NANOS1: variants seen among roughly 807,000 people sequenced by gnomAD.
NANOS1 encodes the protein nanos homolog 1.
NANOS1 carries 1 observed loss-of-function variant against 1.1 expected under a neutral mutation model. That is an observed-to-expected ratio of 0.88 (90% CI 0.31 to 4.20). The LOEUF (loss-of-function observed/expected upper bound fraction) is 4.20. Ranked by LOEUF, NANOS1 falls within the 30% of genes most tolerant of loss-of-function variation. NANOS1 has a pLI of 0.17. For missense variants in NANOS1, 537 were observed against 457.9 expected, an observed-to-expected ratio of 1.17 and a Z score of -1.58; for synonymous variants, 252 against 230.6, an observed-to-expected ratio of 1.09 and a Z score of -0.84.
rs1848049236 is a variant in NANOS1 at position 119,031,512 on chromosome 10, A to C, written c.*832A>C. ...TGTGTATTTATACAGTAACAGTATGAATTCATTAATCTCACCTGTAACTTT... is the reference window on the plus strand; with the variant it reads ...TGTGTATTTATACAGTAACAGTATGCATTCATTAATCTCACCTGTAACTTT... On this transcript the variant is annotated 3_prime_UTR_variant, in exon 1 of 1. Coordinates refer to ENST00000425699, the MANE Select transcript of NANOS1 (RefSeq NM_199461.4). 1 of 167,076 alleles carries C rather than the reference A, an allele frequency of 6.0e-6. No homozygotes were observed. Among genetic ancestry groups the C allele is most frequent in the South Asian group, 2.1e-4 (1 of 4,828 alleles). The allele number at this position is 167,076 out of a possible 1,614,324, so 10.3% of individuals were successfully genotyped here. A position where few individuals can be genotyped will look rare whatever the true frequency, so the allele number is the denominator to read the frequency against.
Position 119,032,257 on chromosome 10 carries a change from A to AG in NANOS1, c.*1579dup, listed in dbSNP as rs1405796815. 6.7e-6 allele frequency: 1 copy of AG among 148,560 alleles called. No homozygotes were observed. The highest frequency in any genetic ancestry group is 1.8e-5 in the Non-Finnish European group (1 of 57,126). The allele number at this position is 148,560 out of a possible 1,614,324, so 9.2% of individuals were successfully genotyped here. ...GAACCTTCATTTGAAGGTGTGTTAG[A>AG]GGATGGGGTAAATACCCGATAGCTG... On this transcript the variant is annotated 3_prime_UTR_variant, in exon 1 of 1. Coordinates refer to ENST00000425699, the MANE Select transcript of NANOS1 (RefSeq NM_199461.4).
In NANOS1 at chr10:119,030,917, G is replaced by C; in HGVS notation, c.*237G>C. On this transcript the variant is annotated 3_prime_UTR_variant, in exon 1 of 1. Transcript: ENST00000425699. This position sits in a 1 kb window ranked among gnomAD's most constrained non-coding sequence, Gnocchi z 5.3. ...GTTTCTAGTTTGCACATCCAGAACG[G>C]CGAAGGCTGGGTGTGTATTCCACTA... 2.0e-6 allele frequency: 1 copy of C among 503,244 alleles called. No individual in the cohort carries two copies. The highest frequency in any genetic ancestry group is 3.1e-6 in the Non-Finnish European group (1 of 321,540). The allele number at this position is 503,244 out of a possible 1,614,324, so 31.2% of individuals were successfully genotyped here. A position where few individuals can be genotyped will look rare whatever the true frequency, so the allele number is the denominator to read the frequency against.
chr10:119,029,988 T>C lies in NANOS1; in HGVS notation c.187T>C (p.Phe63Leu). ...ITKAVDGEPR[F>L]GCARGGNGGG... ...CAAAGCGGTGGACGGCGAGCCGCGC[T>C]TCGGCTGCGCCCGCGGTGGGAACGG... The change falls in exon 1 of 1, where the codon TTC (phenylalanine) becomes CTC (leucine). Residue 63 changes from phenylalanine to leucine, a missense_variant. Coordinates refer to ENST00000425699, the MANE Select transcript of NANOS1 (RefSeq NM_199461.4). The C allele has an allele frequency of 7.1e-7, 1 of 1,418,342 alleles. No homozygotes were observed. The highest frequency in any genetic ancestry group is 9.2e-7 in the Non-Finnish European group (1 of 1,086,580). 87.9% of individuals were successfully genotyped at this position (1,418,342 alleles called of 1,614,324 possible). A position where few individuals can be genotyped will look rare whatever the true frequency, so the allele number is the denominator to read the frequency against.
At position 119,030,472 on chromosome 10, in the gene NANOS1, T is replaced by C. The variant is rs2119808956; in HGVS notation, c.671T>C (p.Met224Thr). 9.4e-6 allele frequency: 14 copies of C among 1,494,686 alleles called. No homozygotes were observed. The highest frequency in any genetic ancestry group is 1.2e-5 in the Non-Finnish European group (14 of 1,122,546). The allele number at this position is 1,494,686 out of a possible 1,614,324, so 92.6% of individuals were successfully genotyped here. ...CVFCRNNKEA[M>T]ALYTTHILKG... ...TTCTGCCGGAACAACAAGGAGGCGA[T>C]GGCGCTCTACACCACCCATATCCTC... Residue 224 changes from methionine (M) to threonine (T), a missense_variant, in exon 1 of 1, where the codon ATG becomes ACG. Coordinates refer to ENST00000425699, the MANE Select transcript of NANOS1 (RefSeq NM_199461.4). The surrounding 1 kb of genome is among the most constrained non-coding windows in gnomAD (Gnocchi z 5.3).
rs1416221345 is a variant in NANOS1 at position 119,029,844 on chromosome 10, C to T, written c.43C>T (p.Arg15Cys). 10 of 1,207,760 alleles carry T rather than the reference C, an allele frequency of 8.3e-6. No individual in the cohort carries two copies. Among genetic ancestry groups the T allele is most frequent in the East Asian group, 3.5e-5 (1 of 28,588 alleles). 74.8% of individuals were successfully genotyped at this position (1,207,760 alleles called of 1,614,324 possible). A position where few individuals can be genotyped will look rare whatever the true frequency, so the allele number is the denominator to read the frequency against. The change falls in exon 1 of 1, where the codon CGC becomes TGC. Residue 15 changes from arginine to cysteine, a missense_variant. Coordinates refer to ENST00000425699, the MANE Select transcript of NANOS1 (RefSeq NM_199461.4). Reference sequence around the variant, plus strand: ...GGCGCCCCGCTCGCCCCGCCGCGGCCGCGCCCCCCCGCCCATGGCGCTCGT... The same window carrying T: ...GGCGCCCCGCTCGCCCCGCCGCGGCTGCGCCCCCCCGCCCATGGCGCTCGT... ...PWAPRSPRRG[R>C]APPPMALVPS...
Position 119,030,809 on chromosome 10 carries a change from G to T in NANOS1, c.*129G>T, listed in dbSNP as rs1452451723. 5 of 1,210,376 alleles carry T rather than the reference G, an allele frequency of 4.1e-6. No homozygotes were observed. Among genetic ancestry groups the T allele is most frequent in the African/African-American group, 1.6e-5 (1 of 62,834 alleles). 75.0% of individuals were successfully genotyped at this position (1,210,376 alleles called of 1,614,324 possible). A position where few individuals can be genotyped will look rare whatever the true frequency, so the allele number is the denominator to read the frequency against. On this transcript the variant is annotated 3_prime_UTR_variant, in exon 1 of 1. Transcript: ENST00000425699. This position sits in a 1 kb window ranked among gnomAD's most constrained non-coding sequence, Gnocchi z 5.3. ...GCTCGACATGGGACGTCGTCCTGGTGGTTTTTGAAAAGCAGCCGACCGTGT... is the reference window on the plus strand; with the variant it reads ...GCTCGACATGGGACGTCGTCCTGGTTGTTTTTGAAAAGCAGCCGACCGTGT...
Position 119,030,611 on chromosome 10 carries a change from GCCGCCGCCGCCCGC to G in NANOS1, c.816_829del (p.Pro273AlafsTer62). On this transcript the variant is annotated frameshift_variant, in exon 1 of 1. Transcript: ENST00000425699. LOFTEE classifies it high-confidence loss of function. This position sits in a 1 kb window ranked among gnomAD's most constrained non-coding sequence, Gnocchi z 5.3. Reference sequence around the variant, plus strand: ...TCAAGTACTGCCCGCTCTCCAAAGTGCCGCCGCCGCCCGCCCGCCCGCCGCCCCGCAGCGCCAGG... The same window carrying G: ...TCAAGTACTGCCCGCTCTCCAAAGTGCCGCCCGCCGCCCCGCAGCGCCAGG... 1.4e-6 allele frequency: 2 copies of G among 1,480,408 alleles called. No homozygotes were observed. Among genetic ancestry groups the G allele is most frequent in the Non-Finnish European group, 1.8e-6 (2 of 1,117,798 alleles). The allele number at this position is 1,480,408 out of a possible 1,614,324, so 91.7% of individuals were successfully genotyped here.
Position 119,030,551 on chromosome 10 carries a change from C to A in NANOS1, c.750C>A (p.Pro250=). ...LCPVLRRYTC[P]LCGASGDNAH... ...CCGTGCTGCGCCGCTACACGTGTCC[C>A]CTGTGCGGCGCCAGCGGCGACAACG... Residue 250 remains proline, a synonymous_variant, in exon 1 of 1, where the codon CCC becomes CCA. Coordinates refer to ENST00000425699, the MANE Select transcript of NANOS1 (RefSeq NM_199461.4). This position sits in a 1 kb window ranked among gnomAD's most constrained non-coding sequence, Gnocchi z 5.3. The A allele has an allele frequency of 6.5e-7, 1 of 1,530,294 alleles. No homozygotes were observed. The highest frequency in any genetic ancestry group is 8.7e-7 in the Non-Finnish European group (1 of 1,143,596). The allele number at this position is 1,530,294 out of a possible 1,614,324, so 94.8% of individuals were successfully genotyped here.
Position 119,030,889 on chromosome 10 carries a change from TCA to T in NANOS1, c.*210_*211del, listed in dbSNP as rs1296862026. 9 of 696,612 alleles carry T rather than the reference TCA, an allele frequency of 1.3e-5. No homozygotes were observed. The highest frequency in any genetic ancestry group is 1.9e-5 in the African/African-American group (1 of 53,144). 43.2% of individuals were successfully genotyped at this position (696,612 alleles called of 1,614,324 possible). A position where few individuals can be genotyped will look rare whatever the true frequency, so the allele number is the denominator to read the frequency against. ...TAGACGCTGAAATCCCCATTTGTCT[TCA>T]GTTTCTAGTTTGCACATCCAGAACG... On this transcript the variant is annotated 3_prime_UTR_variant, in exon 1 of 1. Coordinates refer to ENST00000425699, the MANE Select transcript of NANOS1 (RefSeq NM_199461.4). The surrounding 1 kb of genome is among the most constrained non-coding windows in gnomAD (Gnocchi z 5.3).
At position 119,030,250 on chromosome 10, in the gene NANOS1, A is replaced by T; in HGVS notation, c.449A>T (p.Glu150Val). The change falls in exon 1 of 1, where the codon GAG (glutamate) becomes GTG (valine). Residue 150 changes from glutamate to valine, a missense_variant. By Grantham distance (121) the Glu-to-Val change is moderately radical. Transcript: ENST00000425699. The surrounding 1 kb of genome is among the most constrained non-coding windows in gnomAD (Gnocchi z 5.3). ...GGGCTGCTGGAGGAGCGCTTCGCCG[A>T]GCTGAGCCCGTTCGCGGGTCGTGCC... The part of the protein sequence containing the change: ...EAGLLEERFA[E>V]LSPFAGRAAA... 1.6e-6 allele frequency: 2 copies of T among 1,254,166 alleles called. No individual in the cohort carries two copies. Among genetic ancestry groups the T allele is most frequent in the South Asian group, 3.1e-5 (1 of 32,292 alleles). 77.7% of individuals were successfully genotyped at this position (1,254,166 alleles called of 1,614,324 possible).
rs587777031 is a variant in NANOS1 at position 119,030,030 on chromosome 10, CCCTCCTCCT to C, written c.234_242del (p.Ser81_Ser83del). ...TGGGAACGGCGGCGGCGGCTCCCCG[CCCTCCTCCT>C]CCTCGTCGTCCTGCTGCTCCCCCCA... On this transcript the variant is annotated inframe_deletion, in exon 1 of 1. Coordinates refer to ENST00000425699, the MANE Select transcript of NANOS1 (RefSeq NM_199461.4). The surrounding 1 kb of genome is among the most constrained non-coding windows in gnomAD (Gnocchi z 5.3). The C allele has an allele frequency of 1.4e-6, 2 of 1,384,958 alleles. No individual in the cohort carries two copies. Among genetic ancestry groups the C allele is most frequent in the Non-Finnish European group, 1.9e-6 (2 of 1,068,532 alleles). The allele number at this position is 1,384,958 out of a possible 1,614,324, so 85.8% of individuals were successfully genotyped here. A position where few individuals can be genotyped will look rare whatever the true frequency, so the allele number is the denominator to read the frequency against.
rs574210551 is a variant in NANOS1 at position 119,033,596 on chromosome 10, T to G, written c.*2916T>G. ...ACTTAAAATTTCTAGTGGCTTTTAT[T>G]TTTCTTTGTATTTTAATTTTCCTAC... is the stretch of plus-strand genomic sequence containing the variant. On this transcript the variant is annotated 3_prime_UTR_variant, in exon 1 of 1. Coordinates refer to ENST00000425699, the MANE Select transcript of NANOS1 (RefSeq NM_199461.4). 1.3e-4 allele frequency: 22 copies of G among 167,158 alleles called. No individual in the cohort carries two copies. The highest frequency in any genetic ancestry group is 2.5e-4 in the Non-Finnish European group (17 of 68,118). 10.4% of individuals were successfully genotyped at this position (167,158 alleles called of 1,614,324 possible).
Position 119,030,272 on chromosome 10 carries a change from TGCC to T in NANOS1, c.479_481del (p.Ala160del). 1 of 1,227,474 alleles carries T rather than the reference TGCC, an allele frequency of 8.1e-7. No homozygotes were observed. 76.0% of individuals were successfully genotyped at this position (1,227,474 alleles called of 1,614,324 possible). Reference sequence around the variant, plus strand: ...CCGAGCTGAGCCCGTTCGCGGGTCGTGCCGCCGCCGTGCTGCTGGGCTGCGCGC... The same window carrying T: ...CCGAGCTGAGCCCGTTCGCGGGTCGTGCCGCCGTGCTGCTGGGCTGCGCGC... On this transcript the variant is annotated inframe_deletion, in exon 1 of 1. Transcript: ENST00000425699. This position sits in a 1 kb window ranked among gnomAD's most constrained non-coding sequence, Gnocchi z 5.3.
chr10:119,030,421 TGA>T lies in NANOS1; in HGVS notation c.621_622del (p.Lys208AlafsTer131). On this transcript the variant is annotated frameshift_variant, in exon 1 of 1. Transcript: ENST00000425699. LOFTEE classifies it low-confidence loss of function (END_TRUNC). The surrounding 1 kb of genome is among the most constrained non-coding windows in gnomAD (Gnocchi z 5.3). ...TCCGGGGCGGCGGCCGCCCGGCTGC[TGA>T]AGCCCGAGCTGCAGGTGTGCGTGTT... The T allele has an allele frequency of 7.4e-7, 1 of 1,352,548 alleles. No individual in the cohort carries two copies. The highest frequency in any genetic ancestry group is 9.6e-7 in the Non-Finnish European group (1 of 1,042,356). The allele number at this position is 1,352,548 out of a possible 1,614,324, so 83.8% of individuals were successfully genotyped here.
At position 119,030,789 on chromosome 10, in the gene NANOS1, A is replaced by C. The variant is rs1014041836; in HGVS notation, c.*109A>C. On this transcript the variant is annotated 3_prime_UTR_variant, in exon 1 of 1. Coordinates refer to ENST00000425699, the MANE Select transcript of NANOS1 (RefSeq NM_199461.4). The surrounding 1 kb of genome is among the most constrained non-coding windows in gnomAD (Gnocchi z 5.3). ...GGCGTGCGGCTCAGCGGTCGGCTCG[A>C]CATGGGACGTCGTCCTGGTGGTTTT... 4.2e-5 allele frequency: 52 copies of C among 1,225,298 alleles called. No homozygotes were observed. The highest frequency in any genetic ancestry group is 5.3e-5 in the Non-Finnish European group (52 of 974,624). 75.9% of individuals were successfully genotyped at this position (1,225,298 alleles called of 1,614,324 possible).
chr10:119,030,307 C>T lies in NANOS1; in HGVS notation c.506C>T (p.Ala169Val). 8.8e-7 allele frequency: 1 copy of T among 1,138,212 alleles called. No individual in the cohort carries two copies. The highest frequency in any genetic ancestry group is 1.1e-6 in the Non-Finnish European group (1 of 929,832). The allele number at this position is 1,138,212 out of a possible 1,614,324, so 70.5% of individuals were successfully genotyped here. ...AAVLLGCAPA[A>V]AAAATTTSEA... is the part of the protein sequence containing the mutation. ...GTGCTGCTGGGCTGCGCGCCCGCCG[C>T]CGCCGCCGCCGCCACCACCACCAGC... The change falls in exon 1 of 1, where the codon GCC becomes GTC. Residue 169 changes from alanine to valine, a missense_variant. By Grantham distance (64) the Ala-to-Val change is moderately conservative. Coordinates refer to ENST00000425699, the MANE Select transcript of NANOS1 (RefSeq NM_199461.4). This position sits in a 1 kb window ranked among gnomAD's most constrained non-coding sequence, Gnocchi z 5.3.
Position 119,030,048 on chromosome 10 carries a change from T to C in NANOS1, c.247T>C (p.Ser83Pro). ...GGSPPSSSSS[S>P]CCSPHTGAGP... ...CTCCCCGCCCTCCTCCTCCTCGTCG[T>C]CCTGCTGCTCCCCCCACACGGGGGC... The change falls in exon 1 of 1, where the codon TCC (serine) becomes CCC (proline). Residue 83 changes from serine (S) to proline (P), a missense_variant. Coordinates refer to ENST00000425699, the MANE Select transcript of NANOS1 (RefSeq NM_199461.4). The surrounding 1 kb of genome is among the most constrained non-coding windows in gnomAD (Gnocchi z 5.3). 7.4e-7 allele frequency: 1 copy of C among 1,347,678 alleles called. No homozygotes were observed. 83.5% of individuals were successfully genotyped at this position (1,347,678 alleles called of 1,614,324 possible).
rs1183027799 is a variant in NANOS1 at position 119,030,318 on chromosome 10, G to A, written c.517G>A (p.Ala173Thr). The change falls in exon 1 of 1, where the codon GCC becomes ACC. Residue 173 changes from alanine to threonine, a missense_variant. By Grantham distance (58) the Ala-to-Thr change is moderately conservative. Coordinates refer to ENST00000425699, the MANE Select transcript of NANOS1 (RefSeq NM_199461.4). The surrounding 1 kb of genome is among the most constrained non-coding windows in gnomAD (Gnocchi z 5.3). ...LGCAPAAAAA[A>T]TTTSEATPRE... ...CTGCGCGCCCGCCGCCGCCGCCGCC[G>A]CCACCACCACCAGCGAGGCGACGCC... is the stretch of plus-strand genomic sequence containing the variant. 2.8e-5 allele frequency: 31 copies of A among 1,115,584 alleles called. No individual in the cohort carries two copies. Among genetic ancestry groups the A allele is most frequent in the East Asian group, 2.0e-4 (4 of 20,014 alleles). 69.1% of individuals were successfully genotyped at this position (1,115,584 alleles called of 1,614,324 possible). A position where few individuals can be genotyped will look rare whatever the true frequency, so the allele number is the denominator to read the frequency against.
chr10:119,030,215 C>T lies in NANOS1; in HGVS notation c.414C>T (p.Pro138=). The T allele has an allele frequency of 7.8e-7, 1 of 1,290,194 alleles. No individual in the cohort carries two copies. The allele number at this position is 1,290,194 out of a possible 1,614,324, so 79.9% of individuals were successfully genotyped here. Residue 138 remains proline, a synonymous_variant, in exon 1 of 1, where the codon CCC becomes CCT. Coordinates refer to ENST00000425699, the MANE Select transcript of NANOS1 (RefSeq NM_199461.4). This position sits in a 1 kb window ranked among gnomAD's most constrained non-coding sequence, Gnocchi z 5.3. The part of the protein sequence containing the change: ...ELRALELCAG[P]AEAGLLEERF... The stretch of plus-strand genomic sequence containing the variant: ...GCGCGCTGGAGCTGTGCGCGGGCCC[C>T]GCCGAGGCCGGGCTGCTGGAGGAGC...
Sources: gnomAD v4.1 joint callset for allele counts on GRCh38, gnomAD v4.1.1 for gene constraint, Gnocchi (gnomAD v3.1) non-coding constraint, MANE v1.5 for transcripts, NCBI Gene and HGNC (gene_info 2026-07-23, HGNC 2026-07-21) for gene names.